The following CPXM2 variants were observed in gnomAD, a reference collection of about 807,000 sequenced individuals.
CPXM2 encodes inactive carboxypeptidase-like protein X2.
A neutral mutation model predicts 86.1 loss-of-function variants in CPXM2; 66 were observed. The ratio of observed to expected loss-of-function variants is 0.77; its 90% confidence interval spans 0.63 to 0.94. The LOEUF is 0.94. CPXM2 is among the 40% of genes least tolerant of loss of function. The pLI, the probability that CPXM2 is intolerant of heterozygous loss-of-function variation, is 0.00. For synonymous variants in CPXM2, 388 were observed against 400.2 expected (o/e 0.97, Z 0.36); for missense variants, 948 against 1,026.3 (o/e 0.92, Z 1.04).
At chr10:123,817,329 G>A (rs1847834041) in intron 4 of CPXM2, among the ~76,000 whole-genome samples, 1 of 152,184 alleles carries the variant, frequency 6.6e-6, no homozygotes. Context: ...TAGGCATGCT[G>A]TCTGGAGCCT....
At chr10:123,887,808 TG>T (rs1481663502) in intron 1 of CPXM2, among the ~76,000 whole-genome samples, 1 of 152,158 alleles carries the variant, frequency 6.6e-6, no homozygotes, top group African/African-American at 2.4e-5. Flanking sequence ...AGGTTATCAC[TG>T]GGGGGAGCTG....
At chr10:123,916,212 A>C (rs1945532651) in intron 2 of CPXM2, among the ~76,000 whole-genome samples, 1 of 152,168 alleles carries the variant, frequency 6.6e-6, no homozygotes. Flanking sequence ...ATTGCATCCC[A>C]GGGGATTAGG....
intron 3 of CPXM2, among the ~76,000 whole-genome samples, chr10:123,848,217 C>G (rs1218014589): frequency 1.3e-5 from 2 of 152,174 alleles, no homozygotes; most frequent in Non-Finnish European, 2.9e-5. Flanking sequence ...AAATGGCCAT[C>G]ATGTGGTCTG....
chr10:123,842,263 T>C, intron 4 of CPXM2, 86 bp downstream of exon 4: 1 of 1,554,626 alleles, frequency 6.4e-7, no homozygotes, highest in Non-Finnish European at 8.7e-7. Context: ...AACACCTCTC[T>C]GCAACTTCCA....
In CPXM2 at chr10:123,872,843, T is replaced by A. The variant is rs1304138894; in HGVS notation, c.403+7368A>T. Among the ~76,000 whole-genome samples the A allele has an allele frequency of 7.2e-5, 11 of 152,096 alleles. 1 individual carries two copies. The highest frequency in any genetic ancestry group is 7.2e-4 in the Admixed American group (11 of 15,268). On this transcript the variant is annotated intron_variant, in intron 2 of 13. Coordinates refer to ENST00000241305, the MANE Select transcript of CPXM2 (RefSeq NM_198148.3). ...ATGTGACCTTGAAAGTAACTTGATATGCTAGCTAGGAAAATATTTTACCCA... is the reference window on the plus strand; with the variant it reads ...ATGTGACCTTGAAAGTAACTTGATAAGCTAGCTAGGAAAATATTTTACCCA...
At chr10:123,875,592 T>G (rs74995647) in intron 2 of CPXM2, among the ~76,000 whole-genome samples, 6,129 of 152,210 alleles carry the variant, frequency 0.04, 167 homozygotes, top group East Asian at 0.11. Context: ...AAAACCAAAC[T>G]GTCTGTGATG....
At chr10:123,800,967 G>A (rs959280686) in intron 4 of CPXM2, among the ~76,000 whole-genome samples, 25 of 151,976 alleles carry the variant, frequency 1.6e-4, no homozygotes, top group Non-Finnish European at 3.1e-4. Flanking sequence ...CACGCCTTCC[G>A]CTCTACACTC....
chr10:123,936,471 A>T (rs1945721577), intron 2 of CPXM2, among the ~76,000 whole-genome samples: 1 of 152,188 alleles, frequency 6.6e-6, no homozygotes, highest in Non-Finnish European at 1.5e-5. Context: ...CTGTCTCTAG[A>T]CAACAGCCAC....
At chr10:123,847,668 A>G (rs1371320973) in intron 3 of CPXM2, among the ~76,000 whole-genome samples, 1 of 152,218 alleles carries the variant, frequency 6.6e-6, no homozygotes, top group Admixed American at 6.5e-5. Flanking sequence ...TATAAAATTG[A>G]TTAAAACAAG....
intron 2 of CPXM2, among the ~76,000 whole-genome samples, chr10:123,921,578 C>T (rs1336405913): frequency 6.6e-6 from 1 of 152,158 alleles, no homozygotes; most frequent in Non-Finnish European, 1.5e-5. Flanking sequence ...GTATAATATC[C>T]AAGCTATGAG....
intron 2 of CPXM2, among the ~76,000 whole-genome samples, chr10:123,872,439 T>C (rs1188606522): frequency 6.6e-6 from 1 of 152,112 alleles, no homozygotes; most frequent in East Asian, 1.9e-4. Flanking sequence ...AAGCATACAA[T>C]GTATGATCTG....
chr10:123,836,756 C>T (rs1178631427), intron 4 of CPXM2, among the ~76,000 whole-genome samples: 1 of 152,222 alleles, frequency 6.6e-6, no homozygotes, highest in African/African-American at 2.4e-5. Context: ...AGCACTGCTC[C>T]CCACCTTAAC....
At chr10:123,922,270 GT>G (rs5788643) in intron 2 of CPXM2, among the ~76,000 whole-genome samples, 152,314 of 152,314 alleles carry the variant, frequency 1, 76,157 homozygotes, top group Non-Finnish European at 1. Flanking sequence ...AAATTTCATG[GT>G]ATAGTGATTT....
intron 2 of CPXM2, among the ~76,000 whole-genome samples, chr10:123,875,807 C>CTTTCTT (rs1564808674): frequency 2.4e-5 from 2 of 84,668 alleles, no homozygotes; most frequent in Non-Finnish European, 4.8e-5. Flanking sequence ...TCTTTTCTTT[C>CTTTCTT]TTTTTTTTTT....
intron 3 of CPXM2, among the ~76,000 whole-genome samples, chr10:123,851,668 C>A (rs1050720008): frequency 2.0e-5 from 3 of 151,248 alleles, no homozygotes; most frequent in Admixed American, 2.0e-4. Flanking sequence ...CCTCGGGAGG[C>A]TGAGGCAGGG....
intron 2 of CPXM2, among the ~76,000 whole-genome samples, chr10:123,867,610 G>A (rs531652168): frequency 4.5e-5 from 6 of 133,704 alleles, no homozygotes; most frequent in East Asian, 2.4e-4. Flanking sequence ...TTTGCTCACC[G>A]CAACCTCCAC....
At chr10:123,890,806 C>G (rs1415596181) in intron 1 of CPXM2, among the ~76,000 whole-genome samples, 3 of 152,158 alleles carry the variant, frequency 2.0e-5, no homozygotes, top group Admixed American at 2.0e-4. Context: ...GCACAGACTC[C>G]CCAGTGGAGG....
chr10:123,759,049 G>A (rs767475205), intron 11 of CPXM2, among the ~76,000 whole-genome samples: 1 of 152,130 alleles, frequency 6.6e-6, no homozygotes, highest in South Asian at 2.1e-4. Context: ...CATCAGCAAC[G>A]GGCCTCTGAT....
chr10:123,912,159 A>T (rs1945494139), intron 2 of CPXM2, among the ~76,000 whole-genome samples: 1 of 151,924 alleles, frequency 6.6e-6, no homozygotes, highest in Admixed American at 6.5e-5. Flanking sequence ...GATCGGTTTC[A>T]GGTGTTTTCT....
Sources: allele counts gnomAD v4.1 joint callset (sites outside exome capture counted in the v4.1 genomes callset), GRCh38; gene constraint gnomAD v4.1.1; transcripts MANE v1.5; gene names NCBI Gene and HGNC (gene_info 2026-07-23, HGNC 2026-07-21).